The following RUNX3 variants were observed in gnomAD, a reference collection of about 807,000 sequenced individuals.
RUNX3 encodes the protein runt-related transcription factor 3.
Under a neutral mutation model 27.7 loss-of-function variants are expected in RUNX3, and 10 were observed. The observed-to-expected ratio is 0.36, with a 90% CI of 0.22 to 0.61. The LOEUF (loss-of-function observed/expected upper bound fraction) is 0.61, where lower values mean the gene tolerates loss of function less well. RUNX3 is among the 20% of genes least tolerant of loss of function. RUNX3 has a pLI of 0.72. For synonymous variants in RUNX3, 270 were observed against 269.2 expected, an observed-to-expected ratio of 1.00 and a Z score of -0.03; for missense variants, 469 against 629.5, an observed-to-expected ratio of 0.75 and a Z score of 2.73.
At chr1:24,944,795 C>T (rs1641563785) in intron 2 of RUNX3, among the ~76,000 whole-genome samples, 1 of 152,194 alleles carries the variant, frequency 6.6e-6, no homozygotes, top group South Asian at 2.1e-4. Context: ...GACAAGGAAA[C>T]AAATTCTCCA....
chr1:24,933,173 C>G (rs928479397), upstream of RUNX3, among the ~76,000 whole-genome samples: 2 of 152,138 alleles, frequency 1.3e-5, no homozygotes, highest in Non-Finnish European at 2.9e-5. Context: ...CCTGGGAAAC[C>G]GCCTAAGAGG....
upstream of RUNX3, among the ~76,000 whole-genome samples, chr1:24,932,935 A>C (rs1641265136): frequency 6.6e-6 from 1 of 152,032 alleles, no homozygotes; most frequent in South Asian, 2.1e-4. Flanking sequence ...ACACTCCCCT[A>C]CCCTACCTTG....
intron 2 of RUNX3, among the ~76,000 whole-genome samples, chr1:24,938,743 C>T (rs1571336824): frequency 7.9e-5 from 12 of 152,072 alleles, no homozygotes; most frequent in Admixed American, 6.5e-4. Flanking sequence ...ATGGATTAGG[C>T]CCTCTTTGCC....
At chr1:24,942,806 C>T (rs1469898339) in intron 2 of RUNX3, among the ~76,000 whole-genome samples, 4 of 152,190 alleles carry the variant, frequency 2.6e-5, no homozygotes, top group Admixed American at 6.5e-5. Context: ...TCAGCATCAG[C>T]GGTGCCCTAA....
intron 2 of RUNX3, among the ~76,000 whole-genome samples, chr1:24,957,518 C>T (rs991274088): frequency 6.6e-6 from 1 of 152,222 alleles, no homozygotes; most frequent in Non-Finnish European, 1.5e-5. Flanking sequence ...GCACCCCCAC[C>T]GCCTGGAGGG....
chr1:24,929,024 C>T, intron 1 of RUNX3: 1 of 456,964 alleles, frequency 2.2e-6, no homozygotes, highest in South Asian at 1.5e-5. Context: ...TTAGGGGTCC[C>T]CCAATCTCAA....
Position 24,902,877 on chromosome 1 carries a change from C to CG in RUNX3, c.704-212dup, listed in dbSNP as rs958724324. Reference sequence around the variant, plus strand: ...CCGGGAAGCTGGTTGGAGCGTGCCCCGGGCCAAGAGGGGCCATGGGAGCCC... The same window carrying CG: ...CCGGGAAGCTGGTTGGAGCGTGCCCCGGGGCCAAGAGGGGCCATGGGAGCCC... On this transcript the variant is annotated intron_variant, in intron 4 of 4. Coordinates refer to ENST00000308873, the MANE Select transcript of RUNX3 (RefSeq NM_004350.3). This position sits in a 1 kb window ranked among gnomAD's most constrained non-coding sequence, Gnocchi z 9.2. Among the ~76,000 whole-genome samples, 111 of 151,752 alleles carry CG rather than the reference C, an allele frequency of 7.3e-4. No homozygotes were observed. Among genetic ancestry groups the CG allele is most frequent in the African/African-American group, 2.6e-3 (108 of 41,532 alleles).
intron 2 of RUNX3, among the ~76,000 whole-genome samples, chr1:24,956,478 C>G (rs529307724): frequency 6.6e-6 from 1 of 152,318 alleles, no homozygotes; most frequent in South Asian, 2.1e-4. Flanking sequence ...TTTCTCTCCC[C>G]CTGGGAAGGG....
At chr1:24,917,432 G>A (rs895489911) in intron 3 of RUNX3, among the ~76,000 whole-genome samples, 3 of 152,150 alleles carry the variant, frequency 2.0e-5, no homozygotes, top group Admixed American at 6.5e-5. Flanking sequence ...ACGACAAAAC[G>A]CTGCGGACCC....
chr1:24,929,472 C>A, intron 1 of RUNX3, 115 bp downstream of exon 1: 1 of 1,104,358 alleles, frequency 9.1e-7, no homozygotes, highest in South Asian at 1.3e-5. Flanking sequence ...GCCCGGGTGT[C>A]GCCGCGGCGT....
Position 24,901,987 on chromosome 1 carries a change from G to A in RUNX3, c.*135C>T. 1.2e-6 allele frequency: 1 copy of A among 812,304 alleles called. No individual in the cohort carries two copies. The highest frequency in any genetic ancestry group is 1.9e-6 in the Non-Finnish European group (1 of 531,722). 50.3% of individuals were successfully genotyped at this position (812,304 alleles called of 1,614,324 possible). A position where few individuals can be genotyped will look rare whatever the true frequency, so the allele number is the denominator to read the frequency against. On this transcript the variant is annotated 3_prime_UTR_variant, in exon 5 of 5. Coordinates refer to ENST00000308873, the MANE Select transcript of RUNX3 (RefSeq NM_004350.3). ...CAGATGCAGCCAGAGGCTCCCACCA[G>A]CTGGGACCACCCTGGGACCGAGACC...
At chr1:24,964,302 C>T (rs574071677) in intron 2 of RUNX3, among the ~76,000 whole-genome samples, 3 of 152,354 alleles carry the variant, frequency 2.0e-5, no homozygotes, top group African/African-American at 7.2e-5. Context: ...CTTACTGTCC[C>T]CACCAGCGGA....
chr1:24,959,464 G>T (rs1571370489), intron 2 of RUNX3, among the ~76,000 whole-genome samples: 1 of 152,340 alleles, frequency 6.6e-6, no homozygotes, highest in East Asian at 1.9e-4. Context: ...GCCATAGTGG[G>T]CACGGAAGGG....
chr1:24,940,022 T>G (rs1029050199), intron 2 of RUNX3, among the ~76,000 whole-genome samples: 1 of 152,220 alleles, frequency 6.6e-6, no homozygotes, highest in African/African-American at 2.4e-5. Context: ...CCATGTCACA[T>G]GATGAACTAT....
intron 2 of RUNX3, among the ~76,000 whole-genome samples, chr1:24,951,219 A>AAT (rs1557858568): frequency 4.0e-5 from 6 of 150,388 alleles, no homozygotes; most frequent in African/African-American, 1.5e-4. Context: ...AAAAAAAAAA[A>AAT]AAAATAAGGC....
At chr1:24,907,147 G>A in intron 4 of RUNX3, 112 bp downstream of exon 4, 8 of 1,117,152 alleles carry the variant, frequency 7.2e-6, no homozygotes, top group Non-Finnish European at 1.0e-5. Flanking sequence ...TACAAAACAA[G>A]GGGGTGCAGT....
At chr1:24,909,638 G>A (rs1571305624) in intron 3 of RUNX3, among the ~76,000 whole-genome samples, 1 of 152,290 alleles carries the variant, frequency 6.6e-6, no homozygotes, top group African/African-American at 2.4e-5. Flanking sequence ...AGTTCACTCC[G>A]CAGTCCTCTC....
Position 24,902,436 on chromosome 1 carries a change from A to G in RUNX3, c.934T>C (p.Tyr312His). ...RFHHTYLPPP[Y>H]PGAPQNQSGP... is the part of the protein sequence containing the mutation. ...CTCTGGTTCTGCGGGGCCCCCGGGT[A>G]GGGTGGCGGGAGGTAGGTATGGTGG... Residue 312 changes from tyrosine (Y) to histidine (H), a missense_variant, in exon 5 of 5, where the codon TAC becomes CAC. By Grantham distance (83) the Tyr-to-His change is moderately conservative. Around this residue, in one of 3 missense-constraint regions of RUNX3, gnomAD observed 279 missense variants for 343.0 expected, o/e 0.81. Coordinates refer to ENST00000308873, the MANE Select transcript of RUNX3 (RefSeq NM_004350.3). The surrounding 1 kb of genome is among the most constrained non-coding windows in gnomAD (Gnocchi z 9.2). 4 of 1,610,560 alleles carry G rather than the reference A, an allele frequency of 2.5e-6. No individual in the cohort carries two copies. The South Asian group carries it at 3.3e-5, about 13-fold the overall frequency.
At chr1:24,920,511 T>C (rs1214376555) in intron 2 of RUNX3, among the ~76,000 whole-genome samples, 1 of 152,242 alleles carries the variant, frequency 6.6e-6, no homozygotes, top group African/African-American at 2.4e-5. Context: ...TTTCTATTAC[T>C]AGTGAGAATG....
Sources: gnomAD v4.1 joint callset for allele counts (sites outside exome capture counted in the v4.1 genomes callset) on GRCh38, gnomAD v4.1.1 for gene constraint, gnomAD v4.1.1 regional missense constraint, Gnocchi (gnomAD v3.1) non-coding constraint, MANE v1.5 for transcripts, NCBI Gene and HGNC (gene_info 2026-07-23, HGNC 2026-07-21) for gene names.